GRID2: variants seen among roughly 807,000 people sequenced by gnomAD.
The protein encoded by GRID2 is glutamate ionotropic receptor delta type subunit 2.
A neutral mutation model predicts 114.8 loss-of-function variants in GRID2; 33 were observed. The observed-to-expected ratio is 0.29, with a 90% CI of 0.22 to 0.38. The LOEUF is 0.38. Among genes scored for constraint, GRID2 ranks in the 10% least tolerant of loss-of-function variants. The probability of loss-of-function intolerance (pLI) is 1.00; values close to 1 mark genes in which losing one functional copy is unlikely to be tolerated. For synonymous variants in GRID2, 505 were observed against 449.9 expected, an observed-to-expected ratio of 1.12 and a Z score of -1.55; for missense variants, 1,184 against 1,257.7, an observed-to-expected ratio of 0.94 and a Z score of 0.89.
intron 1 of GRID2, among the ~76,000 whole-genome samples, chr4:92,396,616 A>G (rs531739638): frequency 6.6e-6 from 1 of 152,182 alleles, no homozygotes; most frequent in Non-Finnish European, 1.5e-5. Context: ...AGTGCATAAA[A>G]TATAGTTAAC....
At chr4:93,597,686 T>A (rs1310366416) in intron 13 of GRID2, among the ~76,000 whole-genome samples, 1 of 152,226 alleles carries the variant, frequency 6.6e-6, no homozygotes, top group Non-Finnish European at 1.5e-5. Context: ...ACACTCTTCA[T>A]TGCCTGTCCT....
chr4:92,533,577 C>T (rs62307818), intron 1 of GRID2, among the ~76,000 whole-genome samples: 33,228 of 151,886 alleles, frequency 0.22, 3,937 homozygotes, highest in South Asian at 0.3. Context: ...TCACTCCTAC[C>T]CCTATGAGAG....
chr4:93,315,332 G>A (rs1437187215), intron 8 of GRID2, among the ~76,000 whole-genome samples: 1 of 152,204 alleles, frequency 6.6e-6, no homozygotes, highest in East Asian at 1.9e-4. Flanking sequence ...GGGATCTAAT[G>A]TACAGCATTA....
chr4:93,107,012 ATT>A (rs1367350260), intron 3 of GRID2, among the ~76,000 whole-genome samples: 1 of 152,102 alleles, frequency 6.6e-6, no homozygotes, highest in Admixed American at 6.6e-5. Context: ...TAAGATAAAT[ATT>A]TTTTTCTGGG....
chr4:92,305,704 C>T (rs937224572), intron 1 of GRID2, among the ~76,000 whole-genome samples: 1 of 152,094 alleles, frequency 6.6e-6, no homozygotes, highest in Non-Finnish European at 1.5e-5. Flanking sequence ...CAGGGGCGGG[C>T]GGGGGGCTGC....
chr4:93,725,281 G>C (rs1378693090), intron 14 of GRID2, among the ~76,000 whole-genome samples: 6 of 152,100 alleles, frequency 3.9e-5, no homozygotes, highest in African/African-American at 9.7e-5. Context: ...ATGGTTTCCA[G>C]TTTCATCCAT....
chr4:93,060,400 TCC>T (rs1396339895), intron 2 of GRID2, among the ~76,000 whole-genome samples: 2 of 152,166 alleles, frequency 1.3e-5, no homozygotes, highest in Admixed American at 6.6e-5. Context: ...TATTTGTGTT[TCC>T]ATGGAAGGAA....
At chr4:93,552,068 C>T (rs1431562094) in intron 13 of GRID2, among the ~76,000 whole-genome samples, 1 of 145,096 alleles carries the variant, frequency 6.9e-6, no homozygotes, top group African/African-American at 2.5e-5. Flanking sequence ...TGTGATGTTC[C>T]CCTTCCTGTG....
chr4:92,586,459 TA>T lies in GRID2; in HGVS notation c.89-3667del, dbSNP rs548959295. ...AAAGAAGAAATTTGGATTGTCATTT[TA>T]AAAATTGGCAAGTAAGTATATGTAT... On this transcript the variant is annotated intron_variant, in intron 1 of 15. Transcript: ENST00000282020. 1.8e-3 allele frequency among the ~76,000 whole-genome samples: 273 copies of T among 151,978 alleles called. 1 individual carries two copies. Among genetic ancestry groups the T allele is most frequent in the African/African-American group, 4.9e-3 (202 of 41,494 alleles).
chr4:93,325,637 T>G (rs576447304), intron 8 of GRID2, among the ~76,000 whole-genome samples: 1 of 152,204 alleles, frequency 6.6e-6, no homozygotes, highest in Non-Finnish European at 1.5e-5. Context: ...TCCCTCTTAT[T>G]CAGTTTCAAT....
chr4:92,332,587 A>G (rs1328919462), intron 1 of GRID2, among the ~76,000 whole-genome samples: 1 of 152,178 alleles, frequency 6.6e-6, no homozygotes, highest in Non-Finnish European at 1.5e-5. Context: ...TTAAAAATAC[A>G]AAGTTTAAAG....
At chr4:92,767,012 C>T (rs1054650125) in intron 2 of GRID2, among the ~76,000 whole-genome samples, 12 of 152,160 alleles carry the variant, frequency 7.9e-5, no homozygotes, top group Non-Finnish European at 1.5e-4. Flanking sequence ...GGTAATCATC[C>T]ACCTTCCCTT....
At chr4:93,548,690 A>AT (rs1410805237) in intron 13 of GRID2, among the ~76,000 whole-genome samples, 2 of 152,180 alleles carry the variant, frequency 1.3e-5, no homozygotes, top group African/African-American at 2.4e-5. Flanking sequence ...TCATAGTCAT[A>AT]TTTTTTTAAG....
chr4:92,706,709 G>GT (rs1458922763), intron 2 of GRID2, among the ~76,000 whole-genome samples: 1 of 152,152 alleles, frequency 6.6e-6, no homozygotes, highest in African/African-American at 2.4e-5. Context: ...AGGAAAACCT[G>GT]TTTGATTATC....
At chr4:93,029,081 C>T (rs531745751) in intron 2 of GRID2, among the ~76,000 whole-genome samples, 1 of 152,094 alleles carries the variant, frequency 6.6e-6, no homozygotes, top group East Asian at 1.9e-4. Flanking sequence ...CCTGAGTTCC[C>T]ATTACATGGA....
At chr4:93,216,514 T>C (rs564111079) in intron 5 of GRID2, among the ~76,000 whole-genome samples, 1 of 152,266 alleles carries the variant, frequency 6.6e-6, no homozygotes, top group African/African-American at 2.4e-5. Context: ...CCATTTAGCA[T>C]TGTTTAGGCA....
chr4:92,560,597 C>G (rs900793552), intron 1 of GRID2, among the ~76,000 whole-genome samples: 2 of 150,888 alleles, frequency 1.3e-5, no homozygotes, highest in Non-Finnish European at 1.5e-5. Context: ...ACTGCTGTAC[C>G]TTTGGTTAGA....
chr4:93,162,580 A>G (rs1737788692), intron 4 of GRID2, among the ~76,000 whole-genome samples: 2 of 151,986 alleles, frequency 1.3e-5, no homozygotes, highest in South Asian at 2.1e-4. Flanking sequence ...CTGTAAGCTT[A>G]GCAACCCATA....
intron 9 of GRID2, among the ~76,000 whole-genome samples, chr4:93,398,589 A>G (rs1445953129): frequency 6.6e-6 from 1 of 151,906 alleles, no homozygotes. Context: ...GCTGAATAAA[A>G]CAATTGCTAT....
Sources: gnomAD v4.1 joint callset for allele counts (sites outside exome capture counted in the v4.1 genomes callset) on GRCh38, gnomAD v4.1.1 for gene constraint, MANE v1.5 for transcripts, NCBI Gene and HGNC (gene_info 2026-07-23, HGNC 2026-07-21) for gene names.